CNOT1: variants seen among roughly 807,000 people sequenced by gnomAD.
CNOT1 encodes CCR4-associated factor 1.
Under a neutral mutation model 273.8 loss-of-function variants are expected in CNOT1, and 15 were observed. The observed-to-expected ratio is 0.05, with a 90% CI of 0.04 to 0.08. The LOEUF is 0.08. CNOT1 is among the 10% of genes least tolerant of loss of function. CNOT1 has a pLI of 1.00. For missense variants in CNOT1, 1,644 were observed against 2,912.2 expected (o/e 0.56, Z 10.02); for synonymous variants, 1,022 against 1,005.5 (o/e 1.02, Z -0.31).
intron 2 of CNOT1, among the ~76,000 whole-genome samples, chr16:58,589,700 TCTG>T (rs1275461530): frequency 6.6e-6 from 1 of 152,138 alleles, no homozygotes; most frequent in Non-Finnish European, 1.5e-5. Flanking sequence ...TCAAATTCTC[TCTG>T]CTAACACAGC....
At chr16:58,543,455 T>TTACA in intron 31 of CNOT1, 152 bp downstream of exon 31, 1 of 1,493,706 alleles carries the variant, frequency 6.7e-7, no homozygotes, top group Non-Finnish European at 8.9e-7. Context: ...CCTCACAGAA[T>TTACA]TACAATCTAA....
At chr16:58,617,431 C>G (rs1340791963) in intron 1 of CNOT1, among the ~76,000 whole-genome samples, 1 of 151,768 alleles carries the variant, frequency 6.6e-6, no homozygotes, top group Non-Finnish European at 1.5e-5. Context: ...GCTGAGCATC[C>G]CAAATTTGAA....
intron 27 of CNOT1, 46 bp from the exon 28 acceptor site, chr16:58,546,795 A>T (rs996987964): frequency 1.2e-6 from 2 of 1,610,998 alleles, no homozygotes; most frequent in African/African-American, 2.7e-5. Flanking sequence ...TGTGCCCTTT[A>T]ATTTGGATTA....
At chr16:58,576,152 C>G (rs1267311412) in intron 14 of CNOT1, among the ~76,000 whole-genome samples, 2 of 151,718 alleles carry the variant, frequency 1.3e-5, no homozygotes, top group Non-Finnish European at 2.9e-5. Flanking sequence ...ACTCTGTCAC[C>G]CAGGCTGGAG....
chr16:58,586,651 T>C lies in CNOT1; in HGVS notation c.531A>G (p.Ala177=). 5 of 1,613,216 alleles carry C rather than the reference T, an allele frequency of 3.1e-6. No individual in the cohort carries two copies. The highest frequency in any genetic ancestry group is 4.2e-6 in the Non-Finnish European group (5 of 1,179,860). The change falls in exon 7 of 49, where the codon GCA becomes GCG. Residue 177 remains alanine (A), a synonymous_variant. Transcript: ENST00000317147. ...GNQEGGFQDI[A]IEVLHLLLSH... is the part of the protein sequence containing the mutation. ...AGAGGAGGAGGTGTAGGACCTCTAT[T>C]GCTATATCTTGGAAGCCACCTTCTT...
chr16:58,537,187 G>C lies in CNOT1; in HGVS notation c.5448C>G (p.Asn1816Lys). 1 of 1,611,908 alleles carries C rather than the reference G, an allele frequency of 6.2e-7. No individual in the cohort carries two copies. The highest frequency in any genetic ancestry group is 8.5e-7 in the Non-Finnish European group (1 of 1,178,628). Residue 1816 changes from asparagine to lysine, a missense_variant, in exon 39 of 49, where the codon AAC becomes AAG. Transcript: ENST00000317147. ...GAGCACGATCAATCATTGCTTCATA[G>C]TTGGATCGCACTACTTCCATCAGCT... ...LPQLMEVVRSNYEAMIDRAHG... is the reference protein window; with the variant it reads ...LPQLMEVVRSKYEAMIDRAHG...
intron 1 of CNOT1, among the ~76,000 whole-genome samples, chr16:58,610,809 C>CT (rs1252249030): frequency 6.6e-6 from 1 of 151,998 alleles, no homozygotes; most frequent in Non-Finnish European, 1.5e-5. Flanking sequence ...CACCACTGCA[C>CT]TCCAGCCTGG....
At chr16:58,546,832 G>A in intron 27 of CNOT1, 83 bp from the exon 28 acceptor site, 4 of 1,524,560 alleles carry the variant, frequency 2.6e-6, no homozygotes, top group Non-Finnish European at 3.6e-6. Flanking sequence ...ACAACATAAG[G>A]GGGTAGGGGG....
In CNOT1 at chr16:58,547,404, C is replaced by T; in HGVS notation, c.3640-108G>A. On this transcript the variant is annotated intron_variant, in intron 26 of 48. Transcript: ENST00000317147. This position sits in a 1 kb window ranked among gnomAD's most constrained non-coding sequence, Gnocchi z 4.0. ...AGCTTATCCCCAAAACAGGAATCAA[C>T]ATAATGTCTAGTCCTTGCCTTACAA... The T allele has an allele frequency of 1.3e-6, 2 of 1,545,476 alleles. No homozygotes were observed. Among genetic ancestry groups the T allele is most frequent in the South Asian group, 1.2e-5 (1 of 80,856 alleles).
Position 58,541,521 on chromosome 16 carries a change from A to T in CNOT1, c.4780T>A (p.Phe1594Ile), listed in dbSNP as rs770355622. 6.2e-7 allele frequency: 1 copy of T among 1,613,906 alleles called. No homozygotes were observed. The highest frequency in any genetic ancestry group is 1.1e-5 in the South Asian group (1 of 91,076). ...TTTACCTTCATGGGCTGGGCTAAAA[A>T]TCCCGTGGGCTGACTTAAGTCATTT... is the stretch of plus-strand genomic sequence containing the variant. ...PTNDLSQPTG[F>I]LAQPMKQAWA... The change falls in exon 34 of 49, where the codon TTT becomes ATT. Residue 1594 changes from phenylalanine to isoleucine, a missense_variant. Physicochemically the swap from Phe to Ile is conservative, Grantham distance 21. This residue lies in a region of CNOT1 where 170 missense variants were observed against 273.1 expected (regional missense o/e 0.62). Coordinates refer to ENST00000317147, the MANE Select transcript of CNOT1 (RefSeq NM_016284.5).
chr16:58,602,830 C>G (rs2042523952), intron 1 of CNOT1, among the ~76,000 whole-genome samples: 1 of 152,064 alleles, frequency 6.6e-6, no homozygotes, highest in South Asian at 2.1e-4. Flanking sequence ...CCAAACCTCT[C>G]TCATAGTGTC....
chr16:58,615,163 A>G (rs1445253470), intron 1 of CNOT1, among the ~76,000 whole-genome samples: 1 of 125,152 alleles, frequency 8.0e-6, no homozygotes, highest in Non-Finnish European at 1.9e-5. Context: ...CAAATTGTGG[A>G]TTTCCTGTCT....
At chr16:58,578,988 C>T (rs765863596) in intron 12 of CNOT1, 49 bp from the exon 13 acceptor site, 2 of 1,589,756 alleles carry the variant, frequency 1.3e-6, no homozygotes, top group Admixed American at 1.7e-5. Context: ...TCCAAGTATA[C>T]AGATTAATTT....
intron 1 of CNOT1, among the ~76,000 whole-genome samples, chr16:58,609,840 G>A (rs2042827379): frequency 6.7e-6 from 1 of 149,784 alleles, no homozygotes; most frequent in Admixed American, 6.9e-5. Context: ...ATCACTTAGG[G>A]TGATATATAT....
intron 1 of CNOT1, among the ~76,000 whole-genome samples, chr16:58,626,490 G>A (rs528248864): frequency 2.5e-4 from 38 of 150,516 alleles, no homozygotes; most frequent in Admixed American, 8.0e-4. Context: ...GGCTGGGCAC[G>A]GTCACTCATG....
intron 22 of CNOT1, among the ~76,000 whole-genome samples, chr16:58,552,241 A>G (rs1156244929): frequency 6.6e-6 from 1 of 152,136 alleles, no homozygotes; most frequent in Non-Finnish European, 1.5e-5. Context: ...ATTACGAAAA[A>G]AAAAAAACTC....
In CNOT1 at chr16:58,538,179, C is replaced by T; in HGVS notation, c.5223G>A (p.Gln1741=). 6.5e-7 allele frequency: 1 copy of T among 1,546,816 alleles called. No individual in the cohort carries two copies. Among genetic ancestry groups the T allele is most frequent in the Non-Finnish European group, 8.9e-7 (1 of 1,118,556 alleles). The change falls in exon 37 of 49, where the codon CAG becomes CAA. Residue 1741 remains glutamine (Q), a synonymous_variant. Coordinates refer to ENST00000317147, the MANE Select transcript of CNOT1 (RefSeq NM_016284.5). ...ATACCTGCGCTAGGTGAAGATCATA[C>T]TGCTGCATATTAACCAAATGATTGC... ...LIRNHLVNMQ[Q]YDLHLAQSME...
intron 16 of CNOT1, among the ~76,000 whole-genome samples, chr16:58,565,807 T>C (rs772018122): frequency 4.6e-5 from 7 of 151,956 alleles, no homozygotes; most frequent in Admixed American, 1.3e-4. Context: ...TAGCCAGGTG[T>C]GGTAGTGTGC....
At chr16:58,531,011 T>C (rs1052375420) in intron 42 of CNOT1, among the ~76,000 whole-genome samples, 1 of 152,198 alleles carries the variant, frequency 6.6e-6, no homozygotes, top group Non-Finnish European at 1.5e-5. Flanking sequence ...GAAATGTGTT[T>C]TCTTAATTCC....
Sources: gnomAD v4.1 joint callset for allele counts (sites outside exome capture counted in the v4.1 genomes callset) on GRCh38, gnomAD v4.1.1 for gene constraint, gnomAD v4.1.1 regional missense constraint, Gnocchi (gnomAD v3.1) non-coding constraint, MANE v1.5 for transcripts, NCBI Gene and HGNC (gene_info 2026-07-23, HGNC 2026-07-21) for gene names.